ABCA13: variants seen among roughly 807,000 people sequenced by gnomAD.
ABCA13 encodes the protein ATP-binding cassette sub-family A member 13.
In ABCA13, 476 loss-of-function variants were observed where a neutral mutation model predicts 478.7. That is an observed-to-expected ratio of 0.99 (90% CI 0.92 to 1.07). The LOEUF (loss-of-function observed/expected upper bound fraction) is 1.07. ABCA13 is among the 50% of genes least tolerant of loss of function. The pLI, the probability that ABCA13 is intolerant of heterozygous loss-of-function variation, is 0.00. For synonymous variants in ABCA13, 2,252 were observed against 2,158.9 expected (o/e 1.04, Z -1.20); for missense variants, 6,060 against 5,910.6 (o/e 1.03, Z -0.83).
intron 42 of ABCA13, among the ~76,000 whole-genome samples, chr7:48,441,617 C>G (rs1485631426): frequency 6.6e-6 from 1 of 152,170 alleles, no homozygotes; most frequent in African/African-American, 2.4e-5. Context: ...CTTGTCTCTG[C>G]ACCGCAGAGT....
intron 1 of ABCA13, among the ~76,000 whole-genome samples, chr7:48,172,632 A>T (rs980158448): frequency 2.6e-5 from 4 of 151,134 alleles, no homozygotes; most frequent in African/African-American, 9.7e-5. Context: ...CGTCTCTACT[A>T]AAAAAACACA....
chr7:48,478,441 A>C (rs1005225828), intron 45 of ABCA13, among the ~76,000 whole-genome samples: 1 of 151,856 alleles, frequency 6.6e-6, no homozygotes. Flanking sequence ...ATCAACTCTA[A>C]AAGCAGATTA....
At position 48,542,938 on chromosome 7, in the gene ABCA13, T is replaced by C. The variant is rs572899761; in HGVS notation, c.14354+14593T>C. On this transcript the variant is annotated intron_variant, in intron 55 of 61. Transcript: ENST00000435803. Reference sequence around the variant, plus strand: ...ATTTCAGTGCATTATATTGACTTTGTAATAAAATAATGTCTTTCTAATTGG... The same window carrying C: ...ATTTCAGTGCATTATATTGACTTTGCAATAAAATAATGTCTTTCTAATTGG... Among the ~76,000 whole-genome samples, 25 of 151,882 alleles carry C rather than the reference T, an allele frequency of 1.6e-4. No homozygotes were observed. In the South Asian group the frequency reaches 5.2e-3, roughly 32 times the overall value.
intron 46 of ABCA13, 73 bp downstream of exon 46, chr7:48,481,227 T>C (rs756697971): frequency 1.0e-4 from 131 of 1,300,586 alleles, no homozygotes; most frequent in Non-Finnish European, 1.4e-4. Flanking sequence ...TAAATGCTAA[T>C]GTTCTTAAAA....
chr7:48,375,211 C>T (rs967258199), intron 34 of ABCA13, among the ~76,000 whole-genome samples: 2 of 152,130 alleles, frequency 1.3e-5, no homozygotes, highest in Non-Finnish European at 2.9e-5. Context: ...CATCCTCTAT[C>T]CCCCGGTCTG....
intron 17 of ABCA13, among the ~76,000 whole-genome samples, chr7:48,277,612 C>A (rs1796474165): frequency 6.6e-6 from 1 of 152,138 alleles, no homozygotes; most frequent in African/African-American, 2.4e-5. Context: ...TGTAGCCCAC[C>A]CAGATGAGAA....
intron 23 of ABCA13, among the ~76,000 whole-genome samples, chr7:48,307,951 T>C (rs1801158330): frequency 6.6e-6 from 1 of 152,174 alleles, no homozygotes; most frequent in Non-Finnish European, 1.5e-5. Context: ...CCCAAAGTAC[T>C]GGGATTATAG....
intron 59 of ABCA13, among the ~76,000 whole-genome samples, chr7:48,617,579 G>T (rs1022790320): frequency 1.7e-4 from 26 of 152,148 alleles, no homozygotes; most frequent in African/African-American, 6.3e-4. Flanking sequence ...GACCCAGAGG[G>T]CAGGGCTTGG....
chr7:48,292,786 C>T (rs893294466), intron 20 of ABCA13, among the ~76,000 whole-genome samples: 1 of 152,172 alleles, frequency 6.6e-6, no homozygotes, highest in African/African-American at 2.4e-5. Context: ...GACATGCTGA[C>T]CAGTTTGCCC....
chr7:48,313,403 C>G (rs1467482567), intron 25 of ABCA13, among the ~76,000 whole-genome samples, 172 bp downstream of exon 25: 3 of 152,170 alleles, frequency 2.0e-5, no homozygotes, highest in Non-Finnish European at 1.5e-5. Flanking sequence ...AGAATAAGGC[C>G]TGGCATCTCT....
intron 3 of ABCA13, among the ~76,000 whole-genome samples, chr7:48,207,529 T>C (rs1240731398): frequency 6.6e-6 from 1 of 152,138 alleles, no homozygotes; most frequent in Non-Finnish European, 1.5e-5. Context: ...GTAATTTGGA[T>C]TTTCCCTTCT....
At chr7:48,299,414 A>C (rs1459712037) in intron 23 of ABCA13, among the ~76,000 whole-genome samples, 2 of 152,242 alleles carry the variant, frequency 1.3e-5, no homozygotes, top group African/African-American at 2.4e-5. Flanking sequence ...TCACCAAGTT[A>C]CTTATAATAA....
At chr7:48,344,241 A>T (rs1807699296) in intron 29 of ABCA13, among the ~76,000 whole-genome samples, 1 of 152,208 alleles carries the variant, frequency 6.6e-6, no homozygotes. Context: ...GGTAGAGGCT[A>T]GGGGTACTGC....
intron 47 of ABCA13, among the ~76,000 whole-genome samples, chr7:48,487,671 G>T (rs867555839): frequency 9.2e-5 from 14 of 152,294 alleles, no homozygotes; most frequent in Admixed American, 5.2e-4. Flanking sequence ...GCTAGTGGGA[G>T]GTTCCACTTT....
intron 41 of ABCA13, among the ~76,000 whole-genome samples, chr7:48,425,070 C>T (rs60560717): frequency 0.28 from 41,948 of 151,998 alleles, 5,928 homozygotes; most frequent in East Asian, 0.37. Context: ...TACTTAGTGC[C>T]GTACCATAAT....
At chr7:48,606,978 A>G (rs1177378699) in intron 58 of ABCA13, among the ~76,000 whole-genome samples, 2 of 152,166 alleles carry the variant, frequency 1.3e-5, no homozygotes, top group Non-Finnish European at 2.9e-5. Flanking sequence ...CCCAGTTCGA[A>G]CTTCCTGAGG....
chr7:48,192,900 A>G, intron 1 of ABCA13, 59 bp from the exon 2 acceptor site: 1 of 1,332,966 alleles, frequency 7.5e-7, no homozygotes, highest in South Asian at 1.4e-5. Flanking sequence ...CAAGAGATGA[A>G]AATATTGTAA....
At chr7:48,414,754 C>A (rs1294251035) in intron 41 of ABCA13, among the ~76,000 whole-genome samples, 5 of 152,070 alleles carry the variant, frequency 3.3e-5, no homozygotes, top group Non-Finnish European at 5.9e-5. Flanking sequence ...AGGTGTGTGC[C>A]ACTGCATCTG....
chr7:48,353,586 G>C (rs1301059448), intron 31 of ABCA13, among the ~76,000 whole-genome samples: 2 of 151,440 alleles, frequency 1.3e-5, no homozygotes, highest in African/African-American at 2.4e-5. Flanking sequence ...CAGAAGTCAG[G>C]ACTGCCTCTC....
Sources: gnomAD v4.1 joint callset for allele counts (sites outside exome capture counted in the v4.1 genomes callset) on GRCh38, gnomAD v4.1.1 for gene constraint, MANE v1.5 for transcripts, NCBI Gene and HGNC (gene_info 2026-07-23, HGNC 2026-07-21) for gene names.